Variants in MMP26 observed in about 807,000 individuals in gnomAD.
The protein encoded by MMP26 is matrix metalloproteinase-26.
In MMP26, 33 loss-of-function variants were observed where a neutral mutation model predicts 31.0. That is an observed-to-expected ratio of 1.06 (90% CI 0.81 to 1.42). The LOEUF (loss-of-function observed/expected upper bound fraction) is 1.42. Among genes scored for constraint, MMP26 ranks in the 40% most tolerant of loss-of-function variants. The pLI is 0.00. For missense variants in MMP26, 347 were observed against 316.1 expected (o/e 1.10, Z -0.74); for synonymous variants, 122 against 114.9 (o/e 1.06, Z -0.40).
chr11:4,821,375 T>A (rs976561116), intron 2 of MMP26: 2 of 1,599,068 alleles, frequency 1.3e-6, no homozygotes, highest in Admixed American at 3.3e-5. Flanking sequence ...ATGTATTATG[T>A]GTTATGTTAA....
intron 2 of MMP26, among the ~76,000 whole-genome samples, chr11:4,910,854 C>T (rs1338559056): frequency 6.6e-6 from 1 of 152,074 alleles, no homozygotes; most frequent in Non-Finnish European, 1.5e-5. Context: ...CTGCTCATTA[C>T]CTAAGCTCAA....
At chr11:4,783,901 G>A (rs964839948) in intron 2 of MMP26, among the ~76,000 whole-genome samples, 2 of 152,116 alleles carry the variant, frequency 1.3e-5, no homozygotes, top group African/African-American at 4.8e-5. Context: ...TGATTGTGAG[G>A]TTTCCCCAGC....
chr11:4,804,152 A>T, intron 2 of MMP26: 1 of 1,614,170 alleles, frequency 6.2e-7, no homozygotes, highest in Non-Finnish European at 8.5e-7. Flanking sequence ...GTGGAGGAGG[A>T]GAGGACCAGG....
intron 2 of MMP26, among the ~76,000 whole-genome samples, chr11:4,800,915 T>G (rs1400302189): frequency 6.8e-6 from 1 of 146,280 alleles, no homozygotes; most frequent in East Asian, 1.9e-4. Context: ...AGCCATGCTC[T>G]TTGCTCGGGT....
At position 4,990,592 on chromosome 11, in the gene MMP26, C is replaced by T. The variant is rs759329683; in HGVS notation, c.321-6C>T. 4.3e-6 allele frequency: 7 copies of T among 1,610,042 alleles called. No homozygotes were observed. Among genetic ancestry groups the T allele is most frequent in the Non-Finnish European group, 5.9e-6 (7 of 1,177,514 alleles). ...AACTATTTCATTTAGAGATTGCTTT[C>T]CTCAGGATTATCAATTACCCACATG... On this transcript the variant is annotated splice_polypyrimidine_tract_variant and splice_region_variant and intron_variant, in intron 4 of 7. Coordinates refer to ENST00000380390, the MANE Select transcript of MMP26 (RefSeq NM_021801.5).
chr11:4,838,234 CA>C (rs1332792134), intron 2 of MMP26, among the ~76,000 whole-genome samples: 1 of 135,408 alleles, frequency 7.4e-6, no homozygotes. Flanking sequence ...AGGAGAATGG[CA>C]TGAACCCAGG....
chr11:4,848,755 T>C (rs1488982181), intron 2 of MMP26: 4 of 1,613,700 alleles, frequency 2.5e-6, no homozygotes, highest in Non-Finnish European at 3.4e-6. Context: ...GCCAGGCTGA[T>C]TTTGCTAATT....
At chr11:4,887,171 G>A (rs114865403) in intron 2 of MMP26, among the ~76,000 whole-genome samples, 108 of 151,960 alleles carry the variant, frequency 7.1e-4, no homozygotes, top group African/African-American at 2.0e-3. Context: ...TGAGTAAACT[G>A]CACAATTTTA....
At chr11:4,935,195 T>C (rs1053989656) in intron 2 of MMP26, among the ~76,000 whole-genome samples, 5 of 151,868 alleles carry the variant, frequency 3.3e-5, no homozygotes, top group Non-Finnish European at 7.4e-5. Flanking sequence ...ATATTGATTC[T>C]TCCTACCCAT....
chr11:4,789,360 T>G (rs1830844620), intron 2 of MMP26, among the ~76,000 whole-genome samples: 1 of 152,038 alleles, frequency 6.6e-6, no homozygotes, highest in Admixed American at 6.6e-5. Flanking sequence ...AAAGTGATTT[T>G]GGGGTCTCTG....
intron 1 of MMP26, chr11:4,711,012 G>A (rs1009130302): frequency 6.5e-6 from 1 of 152,704 alleles, no homozygotes; most frequent in African/African-American, 2.4e-5. Context: ...ATTCTTAAAA[G>A]AGTACTTGAG....
At chr11:4,991,548 C>T (rs147728042) in intron 6 of MMP26, 52 bp downstream of exon 6, 2 of 1,598,234 alleles carry the variant, frequency 1.3e-6, no homozygotes, top group South Asian at 2.2e-5. Context: ...ACCTGGGGTT[C>T]AGTGTTGATG....
At chr11:4,744,721 C>A (rs909609890) in intron 1 of MMP26, among the ~76,000 whole-genome samples, 1 of 151,996 alleles carries the variant, frequency 6.6e-6, no homozygotes, top group Non-Finnish European at 1.5e-5. Context: ...ACTTATTCTC[C>A]CGTGTGGTTT....
rs73403069 is a variant in MMP26, at chr11:4,834,419, G to A, written c.-145+67078G>A. On this transcript the variant is annotated intron_variant, in intron 2 of 7. Transcript: ENST00000380390. ...CTCCAATGATCTCCTAATGAGAAAGGGTCAGCAAGGAAACTTTAGGAGTCA... is the reference window on the plus strand; with the variant it reads ...CTCCAATGATCTCCTAATGAGAAAGAGTCAGCAAGGAAACTTTAGGAGTCA... Among the ~76,000 whole-genome samples the A allele has an allele frequency of 5.4e-3, 816 of 152,214 alleles. 10 individuals are homozygous for A. Among genetic ancestry groups the A allele is most frequent in the African/African-American group, 0.018 (759 of 41,530 alleles).
intron 2 of MMP26, among the ~76,000 whole-genome samples, chr11:4,960,149 G>A (rs1360660205): frequency 1.3e-5 from 2 of 150,556 alleles, no homozygotes; most frequent in African/African-American, 4.9e-5. Context: ...AATGGACATG[G>A]CATAATGGGT....
chr11:4,787,219 A>G (rs531915317), intron 2 of MMP26: 4 of 152,426 alleles, frequency 2.6e-5, no homozygotes, highest in African/African-American at 9.6e-5. Flanking sequence ...AAGAACATTG[A>G]TCAGCCTCTG....
intron 2 of MMP26, among the ~76,000 whole-genome samples, chr11:4,798,156 T>C (rs1564911926): frequency 6.6e-6 from 1 of 152,218 alleles, no homozygotes; most frequent in Non-Finnish European, 1.5e-5. Flanking sequence ...TGTTGAGAAC[T>C]GGAAACCAAA....
At chr11:4,710,186 C>T (rs1321196662) in intron 1 of MMP26, 3 of 456,654 alleles carry the variant, frequency 6.6e-6, no homozygotes, top group East Asian at 6.9e-5. Context: ...CCATTGTTAT[C>T]TCTACTGCTG....
rs1016063985 is a variant in MMP26 at position 4,806,571 on chromosome 11, C to T, written c.-145+39230C>T. 3.9e-5 allele frequency among the ~76,000 whole-genome samples: 6 copies of T among 152,046 alleles called. 1 individual carries two copies. The highest frequency in any genetic ancestry group is 2.0e-4 in the Admixed American group (3 of 15,264). ...TCTGCCTTTTTTGGTTTTCCATTTG[C>T]TTGGTAAATCTTCCTCCATCCCTTT... On this transcript the variant is annotated intron_variant, in intron 2 of 7. Coordinates refer to ENST00000380390, the MANE Select transcript of MMP26 (RefSeq NM_021801.5).
Sources: gnomAD v4.1 joint callset for allele counts (sites outside exome capture counted in the v4.1 genomes callset) on GRCh38, gnomAD v4.1.1 for gene constraint, MANE v1.5 for transcripts, NCBI Gene and HGNC (gene_info 2026-07-23, HGNC 2026-07-21) for gene names.